CHSY3: variants seen among roughly 807,000 people sequenced by gnomAD.
CHSY3 encodes the protein chondroitin sulfate synthase 3, also known as N-acetylgalactosaminyl-proteoglycan 3-beta-glucuronosyltransferase 3.
In CHSY3, 35 loss-of-function variants were observed where a neutral mutation model predicts 67.2. The ratio of observed to expected loss-of-function variants is 0.52; its 90% CI spans 0.40 to 0.69. CHSY3 has a LOEUF of 0.69. CHSY3 is among the 30% of genes least tolerant of loss of function. The probability of loss-of-function intolerance (pLI) is 0.00; values close to 1 mark genes in which losing one functional copy is unlikely to be tolerated. For synonymous variants in CHSY3, 474 were observed against 434.7 expected (o/e 1.09, Z -1.12); for missense variants, 1,069 against 1,138.5 (o/e 0.94, Z 0.88).
At chr5:130,022,693 C>T (rs1764428334) in intron 2 of CHSY3, among the ~76,000 whole-genome samples, 1 of 151,794 alleles carries the variant, frequency 6.6e-6, no homozygotes, top group African/African-American at 2.4e-5. Context: ...TTACATTTAA[C>T]AGTTGCTAAT....
In CHSY3 at chr5:130,044,090, A is replaced by G. The variant is rs1305063568; in HGVS notation, c.1086+135730A>G. Among the ~76,000 whole-genome samples the G allele has an allele frequency of 4.6e-5, 7 of 152,170 alleles. No individual in the cohort carries two copies. In the East Asian group the frequency reaches 1.4e-3, roughly 29 times the overall value. On this transcript the variant is annotated intron_variant, in intron 2 of 2. Transcript: ENST00000305031. ...AAATATGTAAATCTTCAGCAAATAT[A>G]AAAGGCATTTAAAGGCCCAGGGTGA...
chr5:130,076,025 C>T (rs1002838341), intron 2 of CHSY3, among the ~76,000 whole-genome samples: 14 of 152,266 alleles, frequency 9.2e-5, no homozygotes, highest in Middle Eastern at 3.4e-3. Flanking sequence ...AATAGGGATC[C>T]ATGTCTTCTT....
intron 2 of CHSY3, among the ~76,000 whole-genome samples, chr5:130,087,826 C>G (rs1173171131): frequency 6.6e-6 from 1 of 151,386 alleles, no homozygotes; most frequent in African/African-American, 2.4e-5. Context: ...CCATCCCCAT[C>G]AAGCTACCAA....
intron 2 of CHSY3, among the ~76,000 whole-genome samples, chr5:130,105,862 A>G (rs1240990786): frequency 6.6e-6 from 1 of 151,572 alleles, no homozygotes; most frequent in Non-Finnish European, 1.5e-5. Flanking sequence ...CAATTCAGAT[A>G]CTCTGTTCTC....
intron 2 of CHSY3, among the ~76,000 whole-genome samples, chr5:129,966,134 A>T (rs1040146268): frequency 6.6e-6 from 1 of 151,930 alleles, no homozygotes; most frequent in Non-Finnish European, 1.5e-5. Flanking sequence ...GAAATACCAA[A>T]TGATTTGAGA....
chr5:129,952,834 AT>A (rs1294323978), intron 2 of CHSY3, among the ~76,000 whole-genome samples: 6 of 152,162 alleles, frequency 3.9e-5, no homozygotes, highest in Non-Finnish European at 8.8e-5. Flanking sequence ...TGGGATGGAT[AT>A]TTGGATTATA....
chr5:129,985,159 T>C (rs1248804732), intron 2 of CHSY3, among the ~76,000 whole-genome samples: 2 of 152,158 alleles, frequency 1.3e-5, no homozygotes, highest in African/African-American at 4.8e-5. Context: ...TTTTAGGTTG[T>C]ACATTTAAGC....
intron 2 of CHSY3, among the ~76,000 whole-genome samples, chr5:130,148,262 G>T (rs1054948356): frequency 2.0e-5 from 3 of 152,146 alleles, no homozygotes; most frequent in African/African-American, 7.2e-5. Flanking sequence ...GTATTCCATG[G>T]TGTATATGTA....
intron 2 of CHSY3, among the ~76,000 whole-genome samples, chr5:130,058,171 C>A (rs569694289): frequency 6.6e-6 from 1 of 152,230 alleles, no homozygotes; most frequent in East Asian, 1.9e-4. Flanking sequence ...CTATACTTAA[C>A]AACAATCTGT....
rs141179381 is a variant in CHSY3 at position 130,085,403 on chromosome 5, C to A, written c.1087-98826C>A. On this transcript the variant is annotated intron_variant, in intron 2 of 2. Transcript: ENST00000305031. Reference sequence around the variant, plus strand: ...GTCTATAATTATGATGATTTTTGAACCAGAGCATCTTCTATCTTGGTTGAT... The same window carrying A: ...GTCTATAATTATGATGATTTTTGAAACAGAGCATCTTCTATCTTGGTTGAT... Among the ~76,000 whole-genome samples the A allele has an allele frequency of 2.6e-3, 399 of 152,014 alleles. 1 individual carries two copies. The highest frequency in any genetic ancestry group is 9.2e-3 in the African/African-American group (384 of 41,520).
intron 2 of CHSY3, among the ~76,000 whole-genome samples, chr5:130,030,346 T>A (rs13173331): frequency 0.94 from 143,649 of 152,140 alleles, 67,931 homozygotes; most frequent in East Asian, 1. Context: ...ATTTCCTTTA[T>A]CCTATGTCAG....
At chr5:130,133,771 TAAAAAAAAAAAA>T (rs758023976) in intron 2 of CHSY3, among the ~76,000 whole-genome samples, 19 of 58,122 alleles carry the variant, frequency 3.3e-4, no homozygotes, top group Admixed American at 7.5e-4. Context: ...GACTCCGTCT[TAAAAAAAAAAAA>T]AAAAAAAAAA....
Position 130,015,724 on chromosome 5 carries a change from A to G in CHSY3, c.1086+107364A>G, listed in dbSNP as rs190594479. On this transcript the variant is annotated intron_variant, in intron 2 of 2. Coordinates refer to ENST00000305031, the MANE Select transcript of CHSY3 (RefSeq NM_175856.5). ...AACTATGATTCAACCCATCAATCCCATTACTGGGTATATACCCAAAGGAAT... is the reference window on the plus strand; with the variant it reads ...AACTATGATTCAACCCATCAATCCCGTTACTGGGTATATACCCAAAGGAAT... Among the ~76,000 whole-genome samples the G allele has an allele frequency of 1.5e-3, 228 of 152,344 alleles. 1 individual carries two copies. The highest frequency in any genetic ancestry group is 2.6e-3 in the Non-Finnish European group (179 of 68,036).
intron 2 of CHSY3, among the ~76,000 whole-genome samples, chr5:130,158,670 A>C (rs1320622764): frequency 6.6e-6 from 1 of 152,194 alleles, no homozygotes; most frequent in African/African-American, 2.4e-5. Context: ...ACCTTTTATA[A>C]AGGAAAGTAT....
chr5:129,905,211 C>T lies in CHSY3; in HGVS notation c.382C>T (p.Pro128Ser). 3 of 1,511,276 alleles carry T rather than the reference C, an allele frequency of 2.0e-6. No homozygotes were observed. The highest frequency in any genetic ancestry group is 2.6e-5 in the East Asian group (1 of 38,982). The allele number at this position is 1,511,276 out of a possible 1,614,324, so 93.6% of individuals were successfully genotyped here. A position where few individuals can be genotyped will look rare whatever the true frequency, so the allele number is the denominator to read the frequency against. Reference sequence around the variant, plus strand: ...GGGCGCGACGGGGCTTCCCGGTGCTCCAGCGGCCGAGGGGGAGCCCGAGGA... The same window carrying T: ...GGGCGCGACGGGGCTTCCCGGTGCTTCAGCGGCCGAGGGGGAGCCCGAGGA... ...PEGATGLPGAPAAEGEPEEED... is the reference protein window; with the variant it reads ...PEGATGLPGASAAEGEPEEED... Residue 128 changes from proline (P) to serine (S), a missense_variant, in exon 1 of 3, where the codon CCA (proline) becomes TCA (serine). Pro to Ser is a moderately conservative substitution (Grantham distance 74). Coordinates refer to ENST00000305031, the MANE Select transcript of CHSY3 (RefSeq NM_175856.5).
chr5:130,033,640 A>T (rs1387033936), intron 2 of CHSY3, among the ~76,000 whole-genome samples: 1 of 152,226 alleles, frequency 6.6e-6, no homozygotes, highest in East Asian at 1.9e-4. Context: ...TTTATGTACA[A>T]GAAACAAACC....
chr5:130,064,299 C>T (rs2149678255), intron 2 of CHSY3, among the ~76,000 whole-genome samples: 1 of 152,214 alleles, frequency 6.6e-6, no homozygotes, highest in African/African-American at 2.4e-5. Flanking sequence ...CCTGTCCCCA[C>T]AGGAGTCCTG....
chr5:129,951,233 C>T (rs1762015578), intron 2 of CHSY3, among the ~76,000 whole-genome samples: 1 of 152,074 alleles, frequency 6.6e-6, no homozygotes, highest in Admixed American at 6.6e-5. Context: ...ACATCACTCC[C>T]CAAAGTCAAC....
chr5:130,046,319 TC>T (rs1277454729), intron 2 of CHSY3, among the ~76,000 whole-genome samples: 1 of 152,140 alleles, frequency 6.6e-6, no homozygotes, highest in Non-Finnish European at 1.5e-5. Context: ...GTTATACTAT[TC>T]TTTTAGTATA....
Sources: allele counts gnomAD v4.1 joint callset (sites outside exome capture counted in the v4.1 genomes callset), GRCh38; gene constraint gnomAD v4.1.1; transcripts MANE v1.5; gene names NCBI Gene and HGNC (gene_info 2026-07-23, HGNC 2026-07-21).